HTR7: variants seen among roughly 807,000 people sequenced by gnomAD.
HTR7 encodes 5-HT-7.
Under a neutral mutation model 34.0 loss-of-function variants are expected in HTR7, and 16 were observed. The observed-to-expected ratio is 0.47, with a 90% CI of 0.32 to 0.71. The LOEUF (loss-of-function observed/expected upper bound fraction) is 0.71. Among genes scored for constraint, HTR7 ranks in the 30% least tolerant of loss-of-function variants. The pLI is 0.04. For missense variants in HTR7, 504 were observed against 625.5 expected, an observed-to-expected ratio of 0.81 and a Z score of 2.07; for synonymous variants, 265 against 260.2, an observed-to-expected ratio of 1.02 and a Z score of -0.18.
chr10:90,827,143 G>A (rs989941284), intron 1 of HTR7, among the ~76,000 whole-genome samples: 1 of 151,592 alleles, frequency 6.6e-6, no homozygotes, highest in South Asian at 2.1e-4. Flanking sequence ...AAGGAAAGAA[G>A]GAAGAGAAGA....
chr10:90,761,868 A>G (rs1319575227), intron 1 of HTR7, among the ~76,000 whole-genome samples: 1 of 152,198 alleles, frequency 6.6e-6, no homozygotes, highest in Non-Finnish European at 1.5e-5. Flanking sequence ...TCCACAAACA[A>G]ATGAGATTAT....
At chr10:90,809,731 A>C (rs1034154222) in intron 1 of HTR7, among the ~76,000 whole-genome samples, 11 of 152,216 alleles carry the variant, frequency 7.2e-5, no homozygotes, top group Admixed American at 1.3e-4. Flanking sequence ...CAGGCCAAGG[A>C]ATGCCTGCAG....
chr10:90,824,328 C>T (rs1354298019), intron 1 of HTR7, among the ~76,000 whole-genome samples: 1 of 152,180 alleles, frequency 6.6e-6, no homozygotes, highest in African/African-American at 2.4e-5. Context: ...GATTAATAAC[C>T]TCCTGACTAA....
At chr10:90,758,446 T>C (rs1043607819) in intron 1 of HTR7, among the ~76,000 whole-genome samples, 3 of 151,588 alleles carry the variant, frequency 2.0e-5, no homozygotes, top group Middle Eastern at 3.4e-3. Flanking sequence ...TCAATGCATA[T>C]GGAAAAATTT....
chr10:90,756,709 A>C (rs182367307), intron 1 of HTR7, among the ~76,000 whole-genome samples: 1 of 152,356 alleles, frequency 6.6e-6, no homozygotes, highest in East Asian at 1.9e-4. Context: ...ATCAGATTTA[A>C]TTAAAATAAA....
chr10:90,814,774 A>G (rs1051485431), intron 1 of HTR7, among the ~76,000 whole-genome samples: 4 of 152,338 alleles, frequency 2.6e-5, no homozygotes, highest in African/African-American at 9.6e-5. Context: ...TGGATGGACC[A>G]AAGGGATTTT....
rs566720129 is a variant in HTR7, at chr10:90,821,000, T to C, written c.539+36133A>G. On this transcript the variant is annotated intron_variant, in intron 1 of 3. Transcript: ENST00000336152. ...TCATGTGGAATAAAATTATGTGTTA[T>C]ATCTCATAAGAAAGTCACAGAGTAG... Among the ~76,000 whole-genome samples, 16 of 152,284 alleles carry C rather than the reference T, an allele frequency of 1.1e-4. No homozygotes were observed. The South Asian group carries it at 2.1e-3, about 20-fold the overall frequency.
chr10:90,824,141 G>C (rs1350822310), intron 1 of HTR7, among the ~76,000 whole-genome samples: 2 of 152,344 alleles, frequency 1.3e-5, no homozygotes, highest in South Asian at 2.1e-4. Context: ...GGAGAGGAGA[G>C]CGAAGAGCAA....
chr10:90,792,768 T>C lies in HTR7; in HGVS notation c.540-43174A>G, dbSNP rs949563750. Among the ~76,000 whole-genome samples, 28 of 152,254 alleles carry C rather than the reference T, an allele frequency of 1.8e-4. No individual in the cohort carries two copies. The East Asian group carries it at 5.0e-3, about 27-fold the overall frequency. ...TAAGGGTTCTGATAAACCCTTAAAA[T>C]GGATTTATCAGAACTTATCAGAATG... On this transcript the variant is annotated intron_variant, in intron 1 of 3. Transcript: ENST00000336152.
intron 1 of HTR7, among the ~76,000 whole-genome samples, chr10:90,753,708 T>C (rs959249169): frequency 2.0e-5 from 3 of 151,952 alleles, no homozygotes; most frequent in Non-Finnish European, 2.9e-5. Context: ...GCAATCTAAG[T>C]ATTATCAATA....
intron 1 of HTR7, among the ~76,000 whole-genome samples, chr10:90,822,795 T>C (rs975379764): frequency 6.6e-6 from 1 of 152,178 alleles, no homozygotes; most frequent in Admixed American, 6.5e-5. Flanking sequence ...CTGTGCAGCC[T>C]CGAGACATGT....
At position 90,749,832 on chromosome 10, in the gene HTR7, C is replaced by A. The variant is rs1352023912; in HGVS notation, c.540-238G>T. ...GAGCCCTCTGACTCTAAAGTCAGTC[C>A]ATGCTTTGTGCATGCCTTATAGTTT... On this transcript the variant is annotated intron_variant, in intron 1 of 3. Transcript: ENST00000336152. This position sits in a 1 kb window ranked among gnomAD's most constrained non-coding sequence, Gnocchi z 4.2. Among the ~76,000 whole-genome samples the A allele has an allele frequency of 6.6e-6, 1 of 152,182 alleles. No individual in the cohort carries two copies. Among genetic ancestry groups the A allele is most frequent in the Non-Finnish European group, 1.5e-5 (1 of 68,042 alleles).
intron 1 of HTR7, among the ~76,000 whole-genome samples, chr10:90,836,011 C>T (rs1040656633): frequency 2.6e-5 from 4 of 152,140 alleles, no homozygotes; most frequent in Non-Finnish European, 5.9e-5. Flanking sequence ...TGATGATGCA[C>T]CCAAACCCTC....
intron 1 of HTR7, among the ~76,000 whole-genome samples, chr10:90,757,534 C>A (rs548648120): frequency 6.6e-6 from 1 of 152,262 alleles, no homozygotes; most frequent in South Asian, 2.1e-4. Context: ...CACTCAGCTG[C>A]GGTAGAATCT....
chr10:90,749,567 T>C lies in HTR7; in HGVS notation c.567A>G (p.Thr189=), dbSNP rs555114203. The change falls in exon 2 of 4, where the codon ACA becomes ACG. Residue 189 remains threonine, a synonymous_variant. Coordinates refer to ENST00000336152, the MANE Select transcript of HTR7 (RefSeq NM_019859.4). The surrounding 1 kb of genome is among the most constrained non-coding windows in gnomAD (Gnocchi z 4.2). Reference sequence around the variant, plus strand: ...ATTTCCCATTCTGCCTCACAGGGTATGTGAGGGGCCTTGTGATCCCAAGGT... The same window carrying C: ...ATTTCCCATTCTGCCTCACAGGGTACGTGAGGGGCCTTGTGATCCCAAGGT... ...DRYLGITRPL[T]YPVRQNGKCM... is the part of the protein sequence containing the mutation. 1.9e-6 allele frequency: 3 copies of C among 1,612,436 alleles called. No individual in the cohort carries two copies. Among genetic ancestry groups the C allele is most frequent in the South Asian group, 2.2e-5 (2 of 90,970 alleles).
chr10:90,824,756 T>A (rs1453353613), intron 1 of HTR7, among the ~76,000 whole-genome samples: 3 of 152,154 alleles, frequency 2.0e-5, no homozygotes, highest in Non-Finnish European at 2.9e-5. Flanking sequence ...GGGCCTGGGG[T>A]AATGGTGGCT....
chr10:90,838,616 T>C (rs1038422817), intron 1 of HTR7, among the ~76,000 whole-genome samples: 4 of 152,238 alleles, frequency 2.6e-5, no homozygotes, highest in Non-Finnish European at 5.9e-5. Flanking sequence ...CCAAACTCTT[T>C]ACCTGGTCTG....
At chr10:90,744,196 A>G (rs1292168820) in intron 2 of HTR7, among the ~76,000 whole-genome samples, 1 of 150,752 alleles carries the variant, frequency 6.6e-6, no homozygotes, top group South Asian at 2.1e-4. Flanking sequence ...AGCTAGAGAG[A>G]GGCAGGGGGA....
At chr10:90,811,977 C>T (rs1220048707) in intron 1 of HTR7, among the ~76,000 whole-genome samples, 2 of 152,186 alleles carry the variant, frequency 1.3e-5, no homozygotes, top group African/African-American at 4.8e-5. Context: ...TCAGTGAAAC[C>T]TTTACATCCC....
Sources: allele counts gnomAD v4.1 joint callset (sites outside exome capture counted in the v4.1 genomes callset), GRCh38; gene constraint gnomAD v4.1.1; non-coding constraint Gnocchi (gnomAD v3.1); transcripts MANE v1.5; gene names NCBI Gene and HGNC (gene_info 2026-07-23, HGNC 2026-07-21).